Variants in RPS6KC1 observed in about 807,000 individuals in gnomAD.
The protein encoded by RPS6KC1 is inactive ribosomal protein S6 kinase delta-1.
In RPS6KC1, 54 loss-of-function variants were observed where a neutral mutation model predicts 103.8. The ratio of observed to expected loss-of-function variants is 0.52; its 90% CI spans 0.42 to 0.65. The LOEUF (loss-of-function observed/expected upper bound fraction) is 0.65, where lower values mean the gene tolerates loss of function less well. Ranked by LOEUF, RPS6KC1 falls within the 30% of genes least tolerant of loss-of-function variation. The probability of loss-of-function intolerance (pLI) is 0.00; values close to 1 mark genes in which losing one functional copy is unlikely to be tolerated. For missense variants in RPS6KC1, 1,151 were observed against 1,253.8 expected (o/e 0.92, Z 1.24); for synonymous variants, 439 against 438.7 (o/e 1.00, Z -0.01).
the RPS6KC1 span, among the ~76,000 whole-genome samples, chr1:213,572,742 G>A: frequency 1.3e-5 from 2 of 152,170 alleles, no homozygotes; most frequent in African/African-American, 4.8e-5. Context: ...GGAGATGGAT[G>A]TTAGGGAGAT....
the RPS6KC1 span, among the ~76,000 whole-genome samples, chr1:213,497,236 T>C: frequency 7.0e-4 from 106 of 152,356 alleles, no homozygotes; most frequent in African/African-American, 2.5e-3. Flanking sequence ...CTGTATGCTA[T>C]AGCATATGTT....
At chr1:213,285,469 C>G in the RPS6KC1 span, among the ~76,000 whole-genome samples, 1 of 152,090 alleles carries the variant, frequency 6.6e-6, no homozygotes, top group Non-Finnish European at 1.5e-5. Context: ...TGAGAAAGAC[C>G]TTAGCATACA....
At chr1:213,311,729 A>G in the RPS6KC1 span, among the ~76,000 whole-genome samples, 5 of 152,034 alleles carry the variant, frequency 3.3e-5, no homozygotes, top group Non-Finnish European at 5.9e-5. Context: ...ATTAGTTTTG[A>G]AAGTTTGAAC....
At chr1:213,416,382 T>G in the RPS6KC1 span, among the ~76,000 whole-genome samples, 1 of 152,146 alleles carries the variant, frequency 6.6e-6, no homozygotes, top group Non-Finnish European at 1.5e-5. Context: ...AATTGGACAT[T>G]GGAGAATGCA....
the RPS6KC1 span, among the ~76,000 whole-genome samples, chr1:213,391,532 G>A: frequency 6.6e-6 from 1 of 152,172 alleles, no homozygotes; most frequent in African/African-American, 2.4e-5. Context: ...GTCAGGGTGG[G>A]TGTACAGTTC....
chr1:213,471,270 C>T, the RPS6KC1 span, among the ~76,000 whole-genome samples: 1 of 152,154 alleles, frequency 6.6e-6, no homozygotes, highest in Admixed American at 6.5e-5. Flanking sequence ...TGTGTATTTC[C>T]TGCCCCAGAC....
the RPS6KC1 span, among the ~76,000 whole-genome samples, chr1:213,756,146 G>A: frequency 1.3e-5 from 2 of 152,226 alleles, no homozygotes; most frequent in African/African-American, 2.4e-5. Context: ...CTTGAACACT[G>A]TTTTGTACTA....
downstream of RPS6KC1, among the ~76,000 whole-genome samples, chr1:213,275,363 A>G (rs1336840186): frequency 6.6e-6 from 1 of 152,098 alleles, no homozygotes; most frequent in Non-Finnish European, 1.5e-5. Context: ...TTCTACCATG[A>G]TCTTTATAGA....
chr1:213,169,579 A>C (rs1408148612), intron 7 of RPS6KC1, among the ~76,000 whole-genome samples: 1 of 152,008 alleles, frequency 6.6e-6, no homozygotes, highest in South Asian at 2.1e-4. Flanking sequence ...TGGAATATTT[A>C]TGTAAACATT....
chr1:213,238,267 T>G (rs1480097174), intron 10 of RPS6KC1, among the ~76,000 whole-genome samples: 1 of 152,152 alleles, frequency 6.6e-6, no homozygotes, highest in Non-Finnish European at 1.5e-5. Context: ...CTGAAGGACC[T>G]TCAAGAATAG....
At chr1:213,244,263 G>A (rs1438015049) in intron 12 of RPS6KC1, among the ~76,000 whole-genome samples, 2 of 151,314 alleles carry the variant, frequency 1.3e-5, no homozygotes, top group Non-Finnish European at 2.9e-5. Context: ...AGGTTCCAGT[G>A]TACTTAGAAA....
chr1:213,349,822 C>A, the RPS6KC1 span, among the ~76,000 whole-genome samples: 1 of 152,288 alleles, frequency 6.6e-6, no homozygotes, highest in Non-Finnish European at 1.5e-5. Context: ...AAGTGATGAT[C>A]AAACTTGACA....
the RPS6KC1 span, among the ~76,000 whole-genome samples, chr1:213,725,163 C>A: frequency 3.9e-5 from 6 of 152,228 alleles, no homozygotes; most frequent in African/African-American, 1.4e-4. Context: ...TGCAAAATTT[C>A]TCAACATAAA....
the RPS6KC1 span, among the ~76,000 whole-genome samples, chr1:213,849,953 C>T: frequency 6.6e-6 from 1 of 151,870 alleles, no homozygotes; most frequent in Non-Finnish European, 1.5e-5. Context: ...AATTTTATAA[C>T]CAATCATCTT....
At chr1:213,489,178 G>A in the RPS6KC1 span, among the ~76,000 whole-genome samples, 1 of 152,218 alleles carries the variant, frequency 6.6e-6, no homozygotes, top group Non-Finnish European at 1.5e-5. Context: ...AATTTGGCAG[G>A]ACATGTCAGA....
At chr1:213,705,651 CT>C in the RPS6KC1 span, among the ~76,000 whole-genome samples, 1 of 152,188 alleles carries the variant, frequency 6.6e-6, no homozygotes, top group Admixed American at 6.5e-5. Context: ...TTTCCCTCTG[CT>C]TTTCTCAAGT....
chr1:213,698,643 CT>C, the RPS6KC1 span, among the ~76,000 whole-genome samples: 1 of 151,954 alleles, frequency 6.6e-6, no homozygotes, highest in African/African-American at 2.4e-5. Flanking sequence ...CCATTTGTGC[CT>C]GTATATATAT....
chr1:213,619,673 C>A, the RPS6KC1 span, among the ~76,000 whole-genome samples: 32 of 152,200 alleles, frequency 2.1e-4, no homozygotes, highest in Non-Finnish European at 3.1e-4. Flanking sequence ...GGCCTATAGA[C>A]CAATAACAAC....
At chr1:213,288,341 T>C in the RPS6KC1 span, among the ~76,000 whole-genome samples, 126 of 152,324 alleles carry the variant, frequency 8.3e-4, no homozygotes, top group African/African-American at 2.8e-3. Flanking sequence ...CAGCTCACCT[T>C]GCATACAAAG....
Sources: allele counts gnomAD v4.1 joint callset (sites outside exome capture counted in the v4.1 genomes callset), GRCh38; gene constraint gnomAD v4.1.1; transcripts MANE v1.5; gene names NCBI Gene and HGNC (gene_info 2026-07-23, HGNC 2026-07-21).